RORA: variants seen among roughly 807,000 people sequenced by gnomAD.
RORA encodes RAR related orphan receptor A.
In RORA, 7 loss-of-function variants were observed where a neutral mutation model predicts 69.5. The ratio of observed to expected loss-of-function variants is 0.10; its 90% CI spans 0.06 to 0.19. The LOEUF (loss-of-function observed/expected upper bound fraction) is 0.19. Ranked by LOEUF, RORA falls within the 10% of genes least tolerant of loss-of-function variation. RORA has a pLI of 1.00. For missense variants in RORA, 457 were observed against 663.0 expected, an observed-to-expected ratio of 0.69 and a Z score of 3.41; for synonymous variants, 261 against 240.8, an observed-to-expected ratio of 1.08 and a Z score of -0.78.
At chr15:60,836,413 TATCCTTG>T (rs60965443) in intron 1 of RORA, among the ~76,000 whole-genome samples, 85 of 152,308 alleles carry the variant, frequency 5.6e-4, no homozygotes, top group African/African-American at 2.0e-3. Flanking sequence ...GACCATTCTT[TATCCTTG>T]CCACAGACTC....
intron 1 of RORA, among the ~76,000 whole-genome samples, chr15:60,822,027 C>G (rs914913721): frequency 2.0e-5 from 3 of 151,962 alleles, no homozygotes; most frequent in Non-Finnish European, 1.5e-5. Context: ...AATTTTAGAA[C>G]TAAAAAAAAT....
At position 61,055,710 on chromosome 15, in the gene RORA, T is replaced by TGG. The variant is rs1366618374; in HGVS notation, c.166+173342_166+173343insCC. ...CCTGAACTTTTATCACACATCAAAA[T>TGG]TTCCCTCCTATATTTTTAGAACCAT... On this transcript the variant is annotated intron_variant, in intron 1 of 10. Coordinates refer to ENST00000335670, the MANE Select transcript of RORA (RefSeq NM_134261.3). 9.2e-5 allele frequency among the ~76,000 whole-genome samples: 14 copies of TGG among 152,360 alleles called. No homozygotes were observed. In the East Asian group the frequency reaches 2.7e-3, roughly 29 times the overall value.
intron 1 of RORA, among the ~76,000 whole-genome samples, chr15:60,874,131 TATA>T (rs775871618): frequency 2.0e-5 from 3 of 152,206 alleles, no homozygotes; most frequent in Non-Finnish European, 4.4e-5. Flanking sequence ...AATCTCATTT[TATA>T]ATAAGTTCAC....
intron 1 of RORA, among the ~76,000 whole-genome samples, chr15:61,211,617 A>G (rs2079992656): frequency 6.6e-6 from 1 of 152,212 alleles, no homozygotes; most frequent in Non-Finnish European, 1.5e-5. Flanking sequence ...TGAAATATTG[A>G]CAGGGAAAAC....
At chr15:60,810,878 A>G (rs770904809) in intron 1 of RORA, among the ~76,000 whole-genome samples, 3 of 152,184 alleles carry the variant, frequency 2.0e-5, no homozygotes, top group African/African-American at 7.2e-5. Context: ...TTCTGGGTAC[A>G]CGAAAGGGGT....
At chr15:61,076,936 TAA>T (rs76513450) in intron 1 of RORA, among the ~76,000 whole-genome samples, 3 of 139,512 alleles carry the variant, frequency 2.2e-5, no homozygotes, top group Non-Finnish European at 4.7e-5. Flanking sequence ...TTGTTCAAAG[TAA>T]AAAAAAAAAA....
At chr15:61,179,222 C>T (rs1321161717) in intron 1 of RORA, among the ~76,000 whole-genome samples, 1 of 152,094 alleles carries the variant, frequency 6.6e-6, no homozygotes, top group Non-Finnish European at 1.5e-5. Context: ...TTGCAGGGGT[C>T]GACTCTTCCA....
intron 1 of RORA, among the ~76,000 whole-genome samples, chr15:60,986,802 G>T (rs1251352111): frequency 6.6e-6 from 1 of 152,180 alleles, no homozygotes; most frequent in Non-Finnish European, 1.5e-5. Context: ...GGGCCAGTAG[G>T]ATTGTAGAAG....
At chr15:61,047,905 C>T (rs575784129) in intron 1 of RORA, among the ~76,000 whole-genome samples, 22 of 152,284 alleles carry the variant, frequency 1.4e-4, no homozygotes, top group East Asian at 9.7e-4. Flanking sequence ...CCATTTTCCA[C>T]GACAGAACCA....
intron 1 of RORA, among the ~76,000 whole-genome samples, chr15:60,871,817 T>C (rs894400641): frequency 6.6e-6 from 1 of 152,132 alleles, no homozygotes; most frequent in South Asian, 2.1e-4. Flanking sequence ...AAAAAGGACA[T>C]TAGTGGAAAA....
intron 1 of RORA, among the ~76,000 whole-genome samples, chr15:61,224,578 G>A (rs1031869895): frequency 6.6e-6 from 1 of 152,072 alleles, no homozygotes; most frequent in Non-Finnish European, 1.5e-5. Flanking sequence ...ACATGGTACC[G>A]CAAGCTCCTA....
At chr15:60,819,757 A>ACACACACACACACACG (rs2072864805) in intron 1 of RORA, among the ~76,000 whole-genome samples, 1 of 59,498 alleles carries the variant, frequency 1.7e-5, no homozygotes, top group Admixed American at 2.0e-4. Flanking sequence ...ACACACACAC[A>ACACACACACACACACG]CACACACACA....
intron 2 of RORA, chr15:60,592,813 GC>G: frequency 1.7e-6 from 1 of 579,920 alleles, no homozygotes; most frequent in South Asian, 1.5e-5. Context: ...ATCACCTGTG[GC>G]CGCCGGTCGC....
At chr15:60,666,568 ATGTAC>A (rs1050381726) in intron 2 of RORA, among the ~76,000 whole-genome samples, 3 of 152,198 alleles carry the variant, frequency 2.0e-5, no homozygotes, top group African/African-American at 7.2e-5. Context: ...CACCTTAAGA[ATGTAC>A]TGTGGGGGCT....
At chr15:60,759,715 A>G (rs1472552866) in intron 1 of RORA, among the ~76,000 whole-genome samples, 2 of 152,150 alleles carry the variant, frequency 1.3e-5, no homozygotes, top group East Asian at 3.9e-4. Flanking sequence ...TGCGTGCCAA[A>G]TGATGCCCTG....
intron 1 of RORA, among the ~76,000 whole-genome samples, chr15:60,951,815 A>T (rs1376326811): frequency 6.6e-6 from 1 of 152,148 alleles, no homozygotes; most frequent in Non-Finnish European, 1.5e-5. Flanking sequence ...ACCAACCAAA[A>T]AGAGTCCAGG....
rs553961219 is a variant in RORA, at chr15:60,788,144, G to A, written c.167-109458C>T. On this transcript the variant is annotated intron_variant, in intron 1 of 10. Coordinates refer to ENST00000335670, the MANE Select transcript of RORA (RefSeq NM_134261.3). Reference sequence around the variant, plus strand: ...GGATGTGACATTTGAGCCGAGACAGGAAGGATGCTGAAAGCAGGGGTAGGC... The same window carrying A: ...GGATGTGACATTTGAGCCGAGACAGAAAGGATGCTGAAAGCAGGGGTAGGC... Among the ~76,000 whole-genome samples, 342 of 152,364 alleles carry A rather than the reference G, an allele frequency of 2.2e-3. 1 individual carries two copies. Among genetic ancestry groups the A allele is most frequent in the Non-Finnish European group, 3.6e-3 (243 of 68,036 alleles).
chr15:61,207,502 A>C (rs2079953323), intron 1 of RORA, among the ~76,000 whole-genome samples: 2 of 152,236 alleles, frequency 1.3e-5, no homozygotes, highest in Non-Finnish European at 2.9e-5. Flanking sequence ...CAACATGAAA[A>C]GAACAACACA....
At chr15:61,203,939 T>A (rs1219795831) in intron 1 of RORA, among the ~76,000 whole-genome samples, 4 of 152,192 alleles carry the variant, frequency 2.6e-5, no homozygotes, top group African/African-American at 9.6e-5. Context: ...GTTCAAAATG[T>A]TTGCAGAGAG....
Sources: gnomAD v4.1 joint callset for allele counts (sites outside exome capture counted in the v4.1 genomes callset) on GRCh38, gnomAD v4.1.1 for gene constraint, MANE v1.5 for transcripts, NCBI Gene and HGNC (gene_info 2026-07-23, HGNC 2026-07-21) for gene names.